UTRN: variants seen among roughly 807,000 people sequenced by gnomAD.
UTRN encodes dystrophin-related protein 1.
UTRN carries 283 observed loss-of-function variants against 463.9 expected under a neutral mutation model. The ratio of observed to expected loss-of-function variants is 0.61; its 90% CI spans 0.55 to 0.67. The LOEUF is 0.67. UTRN is among the 30% of genes least tolerant of loss of function. The pLI is 0.00. For synonymous variants in UTRN, 1,442 were observed against 1,431.5 expected (o/e 1.01, Z -0.17); for missense variants, 3,922 against 4,084.3 (o/e 0.96, Z 1.08).
chr6:144,378,146 T>C (rs1025340721), intron 2 of UTRN, among the ~76,000 whole-genome samples: 1 of 152,206 alleles, frequency 6.6e-6, no homozygotes, highest in African/African-American at 2.4e-5. Flanking sequence ...AGAAAAACAG[T>C]CAGTGGATCA....
chr6:144,686,042 A>T (rs1782721229), intron 52 of UTRN, among the ~76,000 whole-genome samples: 1 of 152,162 alleles, frequency 6.6e-6, no homozygotes, highest in African/African-American at 2.4e-5. Flanking sequence ...CTTAGATTTA[A>T]GTCTTTAATC....
chr6:144,362,125 TAA>T (rs1562295082), intron 2 of UTRN, among the ~76,000 whole-genome samples: 1 of 152,236 alleles, frequency 6.6e-6, no homozygotes, highest in African/African-American at 2.4e-5. Flanking sequence ...TATATAAAGT[TAA>T]ATCCTGCTAG....
At position 144,827,368 on chromosome 6, in the gene UTRN, T is replaced by G; in HGVS notation, c.9515T>G (p.Met3172Arg). The G allele has an allele frequency of 6.2e-7, 1 of 1,613,536 alleles. No individual in the cohort carries two copies. Among genetic ancestry groups the G allele is most frequent in the Non-Finnish European group, 8.5e-7 (1 of 1,179,624 alleles). ...NLETPITLIS[M>R]WPEHYDPSQS... is the part of the protein sequence containing the mutation. ...TGCAGTCCTATCACACTCATCAGTATGTGGCCAGAGCACTATGAGTGAGTA... is the reference window on the plus strand; with the variant it reads ...TGCAGTCCTATCACACTCATCAGTAGGTGGCCAGAGCACTATGAGTGAGTA... The change falls in exon 67 of 75, where the codon ATG becomes AGG. Residue 3172 changes from methionine to arginine, a missense_variant. Around this residue, in one of 3 missense-constraint regions of UTRN, gnomAD observed 1,309 missense variants for 1,452.6 expected, o/e 0.90. Coordinates refer to ENST00000367545, the MANE Select transcript of UTRN (RefSeq NM_007124.3).
intron 51 of UTRN, among the ~76,000 whole-genome samples, chr6:144,604,600 A>G (rs1046516476): frequency 7.9e-5 from 12 of 152,012 alleles, no homozygotes; most frequent in African/African-American, 2.9e-4. Context: ...TTTTTTTTCA[A>G]CTTTGAATAT....
intron 65 of UTRN, among the ~76,000 whole-genome samples, chr6:144,811,107 G>A (rs1160409516): frequency 4.0e-5 from 6 of 151,674 alleles, no homozygotes; most frequent in African/African-American, 1.5e-4. Context: ...GATAAATTGT[G>A]CCTTTTTTTT....
chr6:144,747,719 G>A (rs1197465794), intron 54 of UTRN, among the ~76,000 whole-genome samples: 3 of 152,102 alleles, frequency 2.0e-5, no homozygotes, highest in African/African-American at 7.2e-5. Context: ...AAACTAAACT[G>A]CTAAACAGCC....
intron 37 of UTRN, among the ~76,000 whole-genome samples, chr6:144,515,870 G>T (rs538263418): frequency 3.9e-5 from 6 of 152,312 alleles, no homozygotes; most frequent in Admixed American, 1.3e-4. Context: ...TGCCCTGGGG[G>T]CTGGGTGGCT....
At chr6:144,289,026 T>C (rs895808254) in intron 1 of UTRN, among the ~76,000 whole-genome samples, 3 of 152,160 alleles carry the variant, frequency 2.0e-5, no homozygotes, top group Non-Finnish European at 4.4e-5. Context: ...TCTTGAACTC[T>C]GGACCTCAAG....
chr6:144,655,563 G>A (rs536440584), intron 51 of UTRN, among the ~76,000 whole-genome samples: 33 of 152,266 alleles, frequency 2.2e-4, no homozygotes, highest in Non-Finnish European at 3.7e-4. Flanking sequence ...ATGATGTAGC[G>A]ATTTATGTGT....
chr6:144,487,880 C>CT (rs1221308765), intron 29 of UTRN, among the ~76,000 whole-genome samples, 183 bp downstream of exon 29: 2 of 152,110 alleles, frequency 1.3e-5, no homozygotes, highest in Non-Finnish European at 1.5e-5. Flanking sequence ...ATCTAACACT[C>CT]TAAGACAGAA....
At chr6:144,291,560 C>T (rs745784780) in intron 1 of UTRN, among the ~76,000 whole-genome samples, 177 bp from the exon 2 acceptor site, 1 of 152,150 alleles carries the variant, frequency 6.6e-6, no homozygotes, top group Non-Finnish European at 1.5e-5. Flanking sequence ...TGTGCATAAG[C>T]GCCGTAATGG....
rs1585152775 is a variant in UTRN, at chr6:144,533,143, G to T, written c.6116G>T (p.Gly2039Val). The change falls in exon 43 of 75, where the codon GGG becomes GTG. Residue 2039 changes from glycine (G) to valine (V), a missense_variant. Around this residue, in one of 3 missense-constraint regions of UTRN, gnomAD observed 2,349 missense variants for 2,303.8 expected, o/e 1.02. Coordinates refer to ENST00000367545, the MANE Select transcript of UTRN (RefSeq NM_007124.3). ...QPSFAALNRTGDGIVQKLSQA... is the reference protein window; with the variant it reads ...QPSFAALNRTVDGIVQKLSQA... ...AGTTTTGCAGCACTAAACCGAACTGGGGATGGGATTGTGCAGAAACTCTCC... is the reference window on the plus strand; with the variant it reads ...AGTTTTGCAGCACTAAACCGAACTGTGGATGGGATTGTGCAGAAACTCTCC... 7 of 1,614,036 alleles carry T rather than the reference G, an allele frequency of 4.3e-6. No homozygotes were observed. The African/African-American group carries it at 8.0e-5, about 18-fold the overall frequency.
chr6:144,446,835 C>T (rs930469816), intron 14 of UTRN, among the ~76,000 whole-genome samples: 1 of 152,210 alleles, frequency 6.6e-6, no homozygotes, highest in Non-Finnish European at 1.5e-5. Context: ...TCCTTCCTTT[C>T]TAAAATGAGG....
At chr6:144,777,794 G>A (rs1775465721) in intron 60 of UTRN, among the ~76,000 whole-genome samples, 1 of 152,214 alleles carries the variant, frequency 6.6e-6, no homozygotes, top group African/African-American at 2.4e-5. Flanking sequence ...GCATGGGGCA[G>A]TTAATTGGGG....
intron 50 of UTRN, among the ~76,000 whole-genome samples, chr6:144,566,933 G>A (rs1001146206): frequency 6.6e-6 from 1 of 152,108 alleles, no homozygotes; most frequent in Non-Finnish European, 1.5e-5. Context: ...AATCGCTTGA[G>A]TCCAGGAGTT....
At chr6:144,790,195 T>A (rs576731835) in intron 62 of UTRN, among the ~76,000 whole-genome samples, 1 of 152,324 alleles carries the variant, frequency 6.6e-6, no homozygotes, top group South Asian at 2.1e-4. Flanking sequence ...CCCAAACCCT[T>A]AACTACTATC....
At chr6:144,605,156 G>A (rs1369718387) in intron 51 of UTRN, among the ~76,000 whole-genome samples, 1 of 152,002 alleles carries the variant, frequency 6.6e-6, no homozygotes, top group African/African-American at 2.4e-5. Context: ...TGGATCTTAG[G>A]CTAATGGTAT....
rs57080729 is a variant in UTRN, at chr6:144,375,348, ACT to A, written c.80-27773_80-27772del. On this transcript the variant is annotated intron_variant, in intron 2 of 74. Coordinates refer to ENST00000367545, the MANE Select transcript of UTRN (RefSeq NM_007124.3). ...TTATGCAAGTGTGTAAACATTAATAACTCAGCGTTTATAAGCATGTTAGAATA... is the reference window on the plus strand; with the variant it reads ...TTATGCAAGTGTGTAAACATTAATAACAGCGTTTATAAGCATGTTAGAATA... Among the ~76,000 whole-genome samples the A allele has an allele frequency of 5.6e-3, 849 of 152,306 alleles. 11 individuals are homozygous for A. Among genetic ancestry groups the A allele is most frequent in the African/African-American group, 0.02 (824 of 41,548 alleles).
At chr6:144,826,655 A>C (rs1780212668) in intron 66 of UTRN, among the ~76,000 whole-genome samples, 1 of 152,152 alleles carries the variant, frequency 6.6e-6, no homozygotes, top group Non-Finnish European at 1.5e-5. Context: ...CAAGCAGAAC[A>C]AGTTTTTTTG....
Sources: allele counts gnomAD v4.1 joint callset (sites outside exome capture counted in the v4.1 genomes callset), GRCh38; gene constraint gnomAD v4.1.1; regional missense constraint gnomAD v4.1.1; transcripts MANE v1.5; gene names NCBI Gene and HGNC (gene_info 2026-07-23, HGNC 2026-07-21).